CRB1: variants seen among roughly 807,000 people sequenced by gnomAD.
CRB1 encodes crumbs cell polarity complex component 1.
Under a neutral mutation model 120.0 loss-of-function variants are expected in CRB1, and 83 were observed. That is an observed-to-expected ratio of 0.69 (90% CI 0.58 to 0.83). CRB1 has a LOEUF of 0.83. Among genes scored for constraint, CRB1 ranks in the 40% least tolerant of loss-of-function variants. The pLI is 0.00. For missense variants in CRB1, 1,699 were observed against 1,687.6 expected (o/e 1.01, Z -0.12); for synonymous variants, 625 against 612.5 (o/e 1.02, Z -0.30).
chr1:197,266,904 G>T (rs757478060), upstream of CRB1, among the ~76,000 whole-genome samples: 9 of 152,014 alleles, frequency 5.9e-5, no homozygotes, highest in Non-Finnish European at 1.3e-4. Flanking sequence ...TGGGGTTCAT[G>T]GTGGAGGCCT....
intron 5 of CRB1, among the ~76,000 whole-genome samples, chr1:197,385,971 C>G (rs1326777768): frequency 6.6e-6 from 1 of 152,032 alleles, no homozygotes; most frequent in East Asian, 1.9e-4. Context: ...AAGGAACTAT[C>G]CATTTCCCAG....
chr1:197,239,715 GT>G, the CRB1 span, among the ~76,000 whole-genome samples: 52,585 of 146,936 alleles, frequency 0.36, 11,398 homozygotes, highest in East Asian at 0.77. Context: ...AACATCTGTA[GT>G]TTTTTTTTTG....
intron 5 of CRB1, among the ~76,000 whole-genome samples, chr1:197,383,016 A>T (rs563853021): frequency 1.6e-4 from 24 of 152,266 alleles, no homozygotes; most frequent in African/African-American, 5.3e-4. Flanking sequence ...ACTACCCTCA[A>T]AAATCATAGG....
chr1:197,289,776 T>G (rs1291913111), intron 1 of CRB1, among the ~76,000 whole-genome samples: 3 of 151,768 alleles, frequency 2.0e-5, no homozygotes, highest in Admixed American at 1.3e-4. Context: ...TGCCTACATT[T>G]TCCTTTTCAA....
In CRB1 at chr1:197,442,275, G is replaced by T. The variant is rs1372774777; in HGVS notation, c.3988G>T (p.Glu1330Ter). Reference protein sequence around the residue: ...QCLCDVAFAGERCEVDLADDL... With the variant: ...QCLCDVAFAG ...CCTCTGTGATGTTGCCTTTGCTGGCGAGCGCTGCGAGGTGGACGTAAGCAG... is the reference window on the plus strand; with the variant it reads ...CCTCTGTGATGTTGCCTTTGCTGGCTAGCGCTGCGAGGTGGACGTAAGCAG... Residue 1330 changes from glutamate (E) to a stop codon, truncating the protein, a stop_gained, in exon 11 of 12, where the codon GAG becomes TAG. Coordinates refer to ENST00000367400, the MANE Select transcript of CRB1 (RefSeq NM_201253.3). LOFTEE classifies it low-confidence loss of function (END_TRUNC). The T allele has an allele frequency of 1.2e-6, 2 of 1,614,046 alleles. No individual in the cohort carries two copies. The highest frequency in any genetic ancestry group is 1.7e-5 in the Admixed American group (1 of 60,010).
At chr1:197,276,829 A>C (rs916940793) in intron 1 of CRB1, among the ~76,000 whole-genome samples, 7 of 151,926 alleles carry the variant, frequency 4.6e-5, no homozygotes, top group African/African-American at 1.7e-4. Context: ...ACTACATAGT[A>C]GCTATTAAGA....
chr1:197,460,001 C>CTTTTTTTTTTTTT (rs10679172), intron 11 of CRB1, among the ~76,000 whole-genome samples: 21 of 75,646 alleles, frequency 2.8e-4, no homozygotes, highest in Non-Finnish European at 3.5e-4. Context: ...AAGCCCCCCT[C>CTTTTTTTTTTTTT]TTTTTTTTTT....
chr1:197,273,443 T>C (rs1159285133), intron 1 of CRB1, among the ~76,000 whole-genome samples: 1 of 152,148 alleles, frequency 6.6e-6, no homozygotes, highest in Non-Finnish European at 1.5e-5. Flanking sequence ...TCTTTTATTC[T>C]TCTCCATACT....
chr1:197,261,007 T>A, the CRB1 span, among the ~76,000 whole-genome samples: 1,072 of 152,298 alleles, frequency 7.0e-3, 11 homozygotes, highest in African/African-American at 0.024. Context: ...TAAATAAAAA[T>A]TTTTAAAGAG....
the CRB1 span, among the ~76,000 whole-genome samples, chr1:197,247,015 A>C: frequency 6.6e-6 from 1 of 152,050 alleles, no homozygotes; most frequent in Non-Finnish European, 1.5e-5. Flanking sequence ...TTTTAGGGAA[A>C]TATAATTATC....
At chr1:197,228,711 AACGCCCTGCTCTACTGGTACCAATAT>A in the CRB1 span, among the ~76,000 whole-genome samples, 1 of 152,266 alleles carries the variant, frequency 6.6e-6, no homozygotes, top group Admixed American at 6.5e-5. Flanking sequence ...TCTTTTCAGC[AACGCCCTGCTCTACTGGTACCAATAT>A]ACTGTATTAG....
At chr1:197,229,263 C>A in the CRB1 span, among the ~76,000 whole-genome samples, 2 of 152,094 alleles carry the variant, frequency 1.3e-5, no homozygotes, top group Non-Finnish European at 2.9e-5. Context: ...TTCTTGAGTT[C>A]AAATAAATTT....
At chr1:197,453,084 C>T (rs752444756) in intron 11 of CRB1, among the ~76,000 whole-genome samples, 1 of 151,600 alleles carries the variant, frequency 6.6e-6, no homozygotes, top group Non-Finnish European at 1.5e-5. Context: ...AGGAATGAAC[C>T]AGAAGTACAT....
intron 2 of CRB1, among the ~76,000 whole-genome samples, chr1:197,340,924 G>A (rs1342262399): frequency 6.6e-6 from 1 of 152,118 alleles, no homozygotes; most frequent in Non-Finnish European, 1.5e-5. Context: ...CACATGGCTG[G>A]GGAGGTCTCG....
chr1:197,384,439 C>A (rs1467559671), intron 5 of CRB1, among the ~76,000 whole-genome samples: 1 of 152,148 alleles, frequency 6.6e-6, no homozygotes, highest in Non-Finnish European at 1.5e-5. Flanking sequence ...GTGAAAACAG[C>A]ATGTCTCTTT....
At chr1:197,306,781 G>A (rs1257088650) in intron 1 of CRB1, among the ~76,000 whole-genome samples, 2 of 152,176 alleles carry the variant, frequency 1.3e-5, no homozygotes, top group Non-Finnish European at 2.9e-5. Flanking sequence ...GTCTCTGTCT[G>A]TGCTTTCTTG....
chr1:197,403,068 A>C (rs10922216), intron 5 of CRB1, among the ~76,000 whole-genome samples: 39,928 of 152,092 alleles, frequency 0.26, 5,565 homozygotes, highest in Middle Eastern at 0.38. Flanking sequence ...ATAATGTAGT[A>C]TTCTAAAATG....
At chr1:197,342,246 ATTTCC>A (rs1485697458) in intron 2 of CRB1, among the ~76,000 whole-genome samples, 1 of 152,038 alleles carries the variant, frequency 6.6e-6, no homozygotes, top group Non-Finnish European at 1.5e-5. Context: ...GAGGCTTCTC[ATTTCC>A]TTTCTACTAT....
intron 1 of CRB1, among the ~76,000 whole-genome samples, chr1:197,295,364 A>G (rs898834315): frequency 1.3e-5 from 2 of 152,010 alleles, no homozygotes; most frequent in Non-Finnish European, 2.9e-5. Flanking sequence ...AGAGGCAGGC[A>G]AGAGCAAGGG....
Sources: allele counts gnomAD v4.1 joint callset (sites outside exome capture counted in the v4.1 genomes callset), GRCh38; gene constraint gnomAD v4.1.1; transcripts MANE v1.5; gene names NCBI Gene and HGNC (gene_info 2026-07-23, HGNC 2026-07-21).